Variants in MED13L observed in about 807,000 individuals in gnomAD.
MED13L encodes the protein mediator complex subunit 13L.
Under a neutral mutation model 220.9 loss-of-function variants are expected in MED13L, and 7 were observed. The observed-to-expected ratio is 0.03, with a 90% CI of 0.02 to 0.06. MED13L has a LOEUF of 0.06. MED13L is among the 10% of genes least tolerant of loss of function. The pLI, the probability that MED13L is intolerant of heterozygous loss-of-function variation, is 1.00. For missense variants in MED13L, 1,965 were observed against 2,760.5 expected, an observed-to-expected ratio of 0.71 and a Z score of 6.46; for synonymous variants, 1,011 against 1,015.2, an observed-to-expected ratio of 1.00 and a Z score of 0.08.
intron 25 of MED13L, among the ~76,000 whole-genome samples, chr12:115,973,584 A>G (rs571198636): frequency 5.9e-5 from 9 of 152,324 alleles, no homozygotes; most frequent in African/African-American, 2.2e-4. Context: ...CTATTACTCT[A>G]TATTTTTATC....
At chr12:116,018,699 C>T (rs1879874914) in intron 7 of MED13L, among the ~76,000 whole-genome samples, 1 of 151,998 alleles carries the variant, frequency 6.6e-6, no homozygotes, top group Non-Finnish European at 1.5e-5. Context: ...TCAAAACTGT[C>T]CCATATAATT....
At chr12:116,046,251 TAGTC>T (rs1881827245) in intron 4 of MED13L, among the ~76,000 whole-genome samples, 2 of 152,128 alleles carry the variant, frequency 1.3e-5, no homozygotes, top group African/African-American at 4.8e-5. Context: ...TAATTTTGAA[TAGTC>T]AGTGTAAAAA....
chr12:116,271,222 A>T (rs1347930828), intron 1 of MED13L, among the ~76,000 whole-genome samples: 10 of 150,170 alleles, frequency 6.7e-5, no homozygotes, highest in East Asian at 3.9e-4. Flanking sequence ...TGTGTGTGTG[A>T]GTGTGTGCGC....
rs181499675 is a variant in MED13L at position 115,964,740 on chromosome 12, A to C, written c.6388-1221T>G. ...TCCTGAGGCCCTGCTGGACCATAAT[A>C]ATCTTTGGTAACTTTCTTCCTTTTA... On this transcript the variant is annotated intron_variant, in intron 29 of 30. Coordinates refer to ENST00000281928, the MANE Select transcript of MED13L (RefSeq NM_015335.5). 1.0e-3 allele frequency among the ~76,000 whole-genome samples: 157 copies of C among 152,214 alleles called. 1 individual carries two copies. Among genetic ancestry groups the C allele is most frequent in the Admixed American group, 1.4e-3 (22 of 15,290 alleles).
rs1442810819 is a variant in MED13L at position 115,982,550 on chromosome 12, C to G, written c.5009G>C (p.Ser1670Thr). The change falls in exon 22 of 31, where the codon AGC becomes ACC. Residue 1670 changes from serine to threonine, a missense_variant. By Grantham distance (58) the Ser-to-Thr change is moderately conservative (BLOSUM62 1). Coordinates refer to ENST00000281928, the MANE Select transcript of MED13L (RefSeq NM_015335.5). ...GIPTEPDSAD[S>T]HAHPPAVVIY... ...GACAACAGCTGGAGGGTGGGCATGG[C>G]TGTCTGCAGAGTCAGGCTCCGTGGG... The G allele has an allele frequency of 6.2e-7, 1 of 1,614,172 alleles. No homozygotes were observed. Among genetic ancestry groups the G allele is most frequent in the South Asian group, 1.1e-5 (1 of 91,086 alleles).
intron 2 of MED13L, among the ~76,000 whole-genome samples, chr12:116,119,511 A>G (rs929435275): frequency 2.6e-5 from 4 of 152,114 alleles, no homozygotes; most frequent in African/African-American, 9.7e-5. Flanking sequence ...TGATGAATAC[A>G]GTTGATTCTA....
chr12:116,099,211 A>G (rs1199450630), intron 3 of MED13L, among the ~76,000 whole-genome samples: 1 of 152,228 alleles, frequency 6.6e-6, no homozygotes, highest in Non-Finnish European at 1.5e-5. Flanking sequence ...CAGAGCCAGG[A>G]CATTTAATAA....
chr12:116,029,257 A>AG (rs1439159819), intron 4 of MED13L, among the ~76,000 whole-genome samples: 52 of 105,880 alleles, frequency 4.9e-4, no homozygotes, highest in African/African-American at 1.2e-3. Context: ...AAAAAAAAAA[A>AG]GGGGGGGGAG....
chr12:116,155,257 A>C (rs1011299100), intron 2 of MED13L, among the ~76,000 whole-genome samples: 2 of 152,152 alleles, frequency 1.3e-5, no homozygotes, highest in African/African-American at 2.4e-5. Context: ...AACCGTCTCT[A>C]CAAAAAATTT....
At chr12:116,273,815 A>G (rs1873591140) in intron 1 of MED13L, among the ~76,000 whole-genome samples, 1 of 152,230 alleles carries the variant, frequency 6.6e-6, no homozygotes, top group Non-Finnish European at 1.5e-5. Context: ...AAGGGCACAA[A>G]ATCACTTTCT....
At chr12:116,006,602 C>T (rs1379677028) in intron 11 of MED13L, among the ~76,000 whole-genome samples, 191 bp from the exon 12 acceptor site, 2 of 152,200 alleles carry the variant, frequency 1.3e-5, no homozygotes, top group Non-Finnish European at 2.9e-5. Context: ...ACCATGAGCT[C>T]CCCACTTTCC....
chr12:116,108,939 T>C (rs1308807801), intron 3 of MED13L, among the ~76,000 whole-genome samples: 1 of 151,992 alleles, frequency 6.6e-6, no homozygotes, highest in Non-Finnish European at 1.5e-5. Flanking sequence ...TGTACTTAAA[T>C]GTTAACTAAG....
chr12:116,179,204 C>CGT (rs60501771), intron 2 of MED13L, among the ~76,000 whole-genome samples: 12,129 of 148,112 alleles, frequency 0.082, 478 homozygotes, highest in South Asian at 0.1. Context: ...TGACGATTTA[C>CGT]GTGTGTGTGT....
At chr12:116,017,044 C>G (rs1382388541) in intron 7 of MED13L, among the ~76,000 whole-genome samples, 2 of 152,142 alleles carry the variant, frequency 1.3e-5, no homozygotes, top group Admixed American at 1.3e-4. Context: ...AATTCAACAT[C>G]CTATGATATG....
intron 3 of MED13L, among the ~76,000 whole-genome samples, chr12:116,100,005 G>A (rs1872929038): frequency 6.6e-6 from 1 of 152,196 alleles, no homozygotes; most frequent in East Asian, 1.9e-4. Context: ...GAGTTTCTCT[G>A]TGATCAATGA....
intron 4 of MED13L, among the ~76,000 whole-genome samples, chr12:116,031,858 T>C (rs1349848242): frequency 6.6e-6 from 1 of 151,870 alleles, no homozygotes; most frequent in East Asian, 1.9e-4. Flanking sequence ...TATTTGCAGA[T>C]GGATATAATT....
intron 4 of MED13L, among the ~76,000 whole-genome samples, chr12:116,071,352 G>A (rs909530401): frequency 2.0e-5 from 3 of 152,318 alleles, no homozygotes; most frequent in African/African-American, 7.2e-5. Flanking sequence ...TCAAACAGGT[G>A]AAACATTAAT....
chr12:116,118,871 A>C (rs552298147), intron 2 of MED13L, among the ~76,000 whole-genome samples: 7 of 152,354 alleles, frequency 4.6e-5, no homozygotes, highest in African/African-American at 1.4e-4. Flanking sequence ...AATTATTTTG[A>C]AACTTTGCAG....
chr12:116,051,078 G>A (rs61939674), intron 4 of MED13L, among the ~76,000 whole-genome samples: 1 of 151,882 alleles, frequency 6.6e-6, no homozygotes, highest in Non-Finnish European at 1.5e-5. Flanking sequence ...AAATTAGGAA[G>A]CCCAAATTTT....
Sources: allele counts gnomAD v4.1 joint callset (sites outside exome capture counted in the v4.1 genomes callset), GRCh38; gene constraint gnomAD v4.1.1; transcripts MANE v1.5; gene names NCBI Gene and HGNC (gene_info 2026-07-23, HGNC 2026-07-21).